Variants in ZFAT observed in about 807,000 individuals in gnomAD.
ZFAT encodes the protein zinc finger protein ZFAT.
ZFAT carries 64 observed loss-of-function variants against 117.7 expected under a neutral mutation model. That is an observed-to-expected ratio of 0.54 (90% confidence interval 0.44 to 0.67). ZFAT has a LOEUF of 0.67. Among genes scored for constraint, ZFAT ranks in the 30% least tolerant of loss-of-function variants. The probability of loss-of-function intolerance (pLI) is 0.00; values close to 1 mark genes in which losing one functional copy is unlikely to be tolerated. For missense variants in ZFAT, 1,433 were observed against 1,584.5 expected (o/e 0.90, Z 1.62); for synonymous variants, 679 against 615.0 (o/e 1.10, Z -1.54).
At chr8:134,606,055 T>A (rs1037420974) in intron 5 of ZFAT, among the ~76,000 whole-genome samples, 2 of 152,114 alleles carry the variant, frequency 1.3e-5, no homozygotes, top group African/African-American at 4.8e-5. Context: ...AAGCATTAAC[T>A]AAGCAAGAGG....
In ZFAT at chr8:134,601,853, G is replaced by C; in HGVS notation, c.1866C>G (p.Ser622Arg). 2 of 1,612,656 alleles carry C rather than the reference G, an allele frequency of 1.2e-6. No individual in the cohort carries two copies. The highest frequency in any genetic ancestry group is 1.3e-5 in the African/African-American group (1 of 75,044). Residue 622 changes from serine (S) to arginine (R), a missense_variant, in exon 6 of 16, where the codon AGC (serine) becomes AGG (arginine). By Grantham distance (110) the Ser-to-Arg change is moderately radical. This residue lies in a region of ZFAT where 372 missense variants were observed against 355.6 expected (regional missense o/e 1.05). Coordinates refer to ENST00000377838, the MANE Select transcript of ZFAT (RefSeq NM_020863.4). Reference sequence around the variant, plus strand: ...TCACTTCACCTTGCGTCTGGACTGAGCTTCTGTGCTGCATGTCTGGGGGCT... The same window carrying C: ...TCACTTCACCTTGCGTCTGGACTGACCTTCTGTGCTGCATGTCTGGGGGCT... ...PEKPPDMQHR[S>R]SVQTQGEVIT...
the ZFAT span, among the ~76,000 whole-genome samples, chr8:134,801,358 CTAT>C: frequency 6.6e-6 from 1 of 152,182 alleles, no homozygotes; most frequent in Non-Finnish European, 1.5e-5. Context: ...TCTCCACTAA[CTAT>C]TATCAGTGGT....
intron 10 of ZFAT, among the ~76,000 whole-genome samples, chr8:134,577,882 A>G (rs1361079379): frequency 1.3e-5 from 2 of 152,206 alleles, no homozygotes; most frequent in Non-Finnish European, 1.5e-5. Context: ...TGCACTAGAG[A>G]AAGATAAGCC....
At chr8:134,821,492 T>C in the ZFAT span, among the ~76,000 whole-genome samples, 2 of 151,250 alleles carry the variant, frequency 1.3e-5, no homozygotes, top group Non-Finnish European at 2.9e-5. Context: ...AACTTTGTCA[T>C]GAGTAGAGCG....
intron 3 of ZFAT, among the ~76,000 whole-genome samples, chr8:134,636,234 G>A (rs1014844564): frequency 6.6e-6 from 1 of 152,192 alleles, no homozygotes; most frequent in African/African-American, 2.4e-5. Flanking sequence ...AGAGTAGGAT[G>A]GCCTGGGTTC....
chr8:134,713,972 C>T (rs745342977), upstream of ZFAT, among the ~76,000 whole-genome samples: 24 of 151,950 alleles, frequency 1.6e-4, 1 homozygote, highest in South Asian at 1.0e-3. Context: ...TTGATGTGGT[C>T]CATGTTCTAA....
intron 13 of ZFAT, among the ~76,000 whole-genome samples, chr8:134,517,870 G>GATGA (rs1820364614): frequency 6.6e-6 from 1 of 152,188 alleles, no homozygotes; most frequent in East Asian, 1.9e-4. Flanking sequence ...AATACCATGA[G>GATGA]ATGAAGTGTC....
the ZFAT span, among the ~76,000 whole-genome samples, chr8:134,830,498 T>C: frequency 6.6e-6 from 1 of 152,200 alleles, no homozygotes; most frequent in Non-Finnish European, 1.5e-5. Flanking sequence ...TAACCAAAGA[T>C]ACATAATCAA....
chr8:134,629,397 G>A (rs1019833153), intron 3 of ZFAT, among the ~76,000 whole-genome samples: 1 of 151,948 alleles, frequency 6.6e-6, no homozygotes. Flanking sequence ...GCATTTCCAG[G>A]GCTCCCCTAC....
At chr8:134,723,557 T>TA in the ZFAT span, 1 of 152,260 alleles carries the variant, frequency 6.6e-6, no homozygotes, top group African/African-American at 2.4e-5. Context: ...CTCTGCGACT[T>TA]AGAGAAGGAG....
At chr8:134,719,913 TG>T in the ZFAT span, among the ~76,000 whole-genome samples, 45 of 152,338 alleles carry the variant, frequency 3.0e-4, no homozygotes, top group Non-Finnish European at 5.9e-4. Context: ...CAATGAACTA[TG>T]CCTCCTTGTA....
At chr8:134,817,400 C>T in the ZFAT span, among the ~76,000 whole-genome samples, 2 of 88,614 alleles carry the variant, frequency 2.3e-5, no homozygotes, top group African/African-American at 9.0e-5. Flanking sequence ...TCTCTACACA[C>T]ACACACACAC....
At chr8:134,493,215 C>A (rs987344564) in intron 15 of ZFAT, among the ~76,000 whole-genome samples, 1 of 152,220 alleles carries the variant, frequency 6.6e-6, no homozygotes, top group African/African-American at 2.4e-5. Context: ...GACTCCACTA[C>A]CGGCCAACAC....
rs149231349 is a variant in ZFAT at position 134,656,808 on chromosome 8, C to A, written c.196+753G>T. On this transcript the variant is annotated intron_variant, in intron 2 of 15. Coordinates refer to ENST00000377838, the MANE Select transcript of ZFAT (RefSeq NM_020863.4). ...TAGTGTTTTGTGAGGATCTTTGCAG[C>A]GGTTCCTCATGTGCTATATGTTTTC... Among the ~76,000 whole-genome samples, 10 of 152,278 alleles carry A rather than the reference C, an allele frequency of 6.6e-5. No individual in the cohort carries two copies. In the East Asian group the frequency reaches 1.9e-3, roughly 29 times the overall value.
intron 11 of ZFAT, among the ~76,000 whole-genome samples, chr8:134,544,320 T>C (rs1822523962): frequency 6.6e-6 from 1 of 152,164 alleles, no homozygotes; most frequent in Non-Finnish European, 1.5e-5. Context: ...TGCTCAAATA[T>C]AGTTATGTGG....
Position 134,478,688 on chromosome 8 carries a change from C to G in ZFAT, c.3526G>C (p.Val1176Leu), listed in dbSNP as rs780619281. The G allele has an allele frequency of 3.2e-6, 5 of 1,578,140 alleles. No individual in the cohort carries two copies. The highest frequency in any genetic ancestry group is 3.4e-6 in the Non-Finnish European group (4 of 1,162,414). Residue 1176 changes from valine to leucine, a missense_variant, in exon 16 of 16, where the codon GTC becomes CTC. Around this residue, in one of 5 missense-constraint regions of ZFAT, gnomAD observed 503 missense variants for 543.4 expected, o/e 0.93. Transcript: ENST00000377838. The surrounding 1 kb of genome is among the most constrained non-coding windows in gnomAD (Gnocchi z 5.2). ...TGCTGGACCGTCTCCTGGATCATGACCGTGTGGTTGGAGCTGGGCTCCTCC... is the reference window on the plus strand; with the variant it reads ...TGCTGGACCGTCTCCTGGATCATGAGCGTGTGGTTGGAGCTGGGCTCCTCC... ...TEEEPSSNHT[V>L]MIQETVQQAS...
intron 11 of ZFAT, among the ~76,000 whole-genome samples, chr8:134,541,604 C>G (rs1037523546): frequency 6.7e-6 from 1 of 149,290 alleles, no homozygotes; most frequent in Non-Finnish European, 1.5e-5. Context: ...AGTAAAGAGA[C>G]GAGGAAAGGA....
intron 8 of ZFAT, among the ~76,000 whole-genome samples, chr8:134,588,907 T>G (rs1826255059): frequency 6.6e-6 from 1 of 152,230 alleles, no homozygotes; most frequent in African/African-American, 2.4e-5. Context: ...ACATGGTGGT[T>G]ATGTTGAAAG....
At chr8:134,499,790 G>T (rs1400576753) in intron 15 of ZFAT, among the ~76,000 whole-genome samples, 4 of 152,358 alleles carry the variant, frequency 2.6e-5, no homozygotes, top group African/African-American at 7.2e-5. Flanking sequence ...TAAGGCCGGG[G>T]GCCAGAGGGA....
Sources: gnomAD v4.1 joint callset for allele counts (sites outside exome capture counted in the v4.1 genomes callset) on GRCh38, gnomAD v4.1.1 for gene constraint, gnomAD v4.1.1 regional missense constraint, Gnocchi (gnomAD v3.1) non-coding constraint, MANE v1.5 for transcripts, NCBI Gene and HGNC (gene_info 2026-07-23, HGNC 2026-07-21) for gene names.